The following ANO3 variants were observed in gnomAD, a reference collection of about 807,000 sequenced individuals.
The protein encoded by ANO3 is anoctamin-3.
A neutral mutation model predicts 144.8 loss-of-function variants in ANO3; 99 were observed. The observed-to-expected ratio is 0.68, with a 90% CI of 0.58 to 0.81. The LOEUF (loss-of-function observed/expected upper bound fraction) is 0.81, where lower values mean the gene tolerates loss of function less well. ANO3 is among the 30% of genes least tolerant of loss of function. ANO3 has a pLI of 0.00. For missense variants in ANO3, 905 were observed against 1,202.2 expected (o/e 0.75, Z 3.66); for synonymous variants, 414 against 392.6 (o/e 1.05, Z -0.64).
At chr11:26,377,369 G>A (rs541757522) in intron 1 of ANO3, among the ~76,000 whole-genome samples, 1 of 151,796 alleles carries the variant, frequency 6.6e-6, no homozygotes, top group East Asian at 1.9e-4. Flanking sequence ...ATAAAAAGAA[G>A]GAATTTGAAA....
chr11:26,298,474 G>A (rs1372582477), intron 1 of ANO3, among the ~76,000 whole-genome samples: 3 of 152,178 alleles, frequency 2.0e-5, no homozygotes, highest in Non-Finnish European at 4.4e-5. Flanking sequence ...AAAGACTTGT[G>A]TTTTCAATAT....
At chr11:26,489,879 C>T (rs1032647575) in intron 4 of ANO3, among the ~76,000 whole-genome samples, 4 of 152,170 alleles carry the variant, frequency 2.6e-5, no homozygotes, top group African/African-American at 9.7e-5. Flanking sequence ...TTTGATTTTA[C>T]AGGCTGATAG....
At chr11:26,609,044 T>C (rs1411526315) in intron 17 of ANO3, among the ~76,000 whole-genome samples, 2 of 152,174 alleles carry the variant, frequency 1.3e-5, no homozygotes, top group Non-Finnish European at 2.9e-5. Context: ...GCTCCATGGT[T>C]GGGACCCTAG....
intron 1 of ANO3, among the ~76,000 whole-genome samples, chr11:26,286,648 C>T (rs7949962): frequency 0.086 from 13,092 of 152,136 alleles, 1,182 homozygotes; most frequent in African/African-American, 0.23. Context: ...GTGTCTGCAT[C>T]TCTAACACTC....
chr11:26,370,266 G>A (rs773181238), intron 1 of ANO3, among the ~76,000 whole-genome samples: 2 of 152,084 alleles, frequency 1.3e-5, no homozygotes, highest in Admixed American at 6.6e-5. Context: ...TTTCGCCTTC[G>A]CTCAGCTCTC....
intron 17 of ANO3, among the ~76,000 whole-genome samples, chr11:26,607,339 A>G (rs988582264): frequency 6.6e-6 from 1 of 151,826 alleles, no homozygotes; most frequent in Non-Finnish European, 1.5e-5. Context: ...TGTTCTCTGT[A>G]TTTCCTGAAT....
intron 23 of ANO3, 138 bp downstream of exon 23, chr11:26,643,472 C>A (rs528301310): frequency 1.5e-5 from 16 of 1,100,248 alleles, no homozygotes; most frequent in Non-Finnish European, 2.0e-5. Context: ...AGTGATTAAG[C>A]TGGCCGGGCG....
intron 1 of ANO3, among the ~76,000 whole-genome samples, chr11:26,405,842 C>G (rs999176904): frequency 1.3e-5 from 2 of 151,890 alleles, no homozygotes; most frequent in African/African-American, 4.8e-5. Flanking sequence ...ACTGAGGAAT[C>G]TGCCTTGTAA....
intron 1 of ANO3, among the ~76,000 whole-genome samples, chr11:26,297,612 T>C (rs997710405): frequency 1.3e-4 from 20 of 152,190 alleles, no homozygotes; most frequent in African/African-American, 4.6e-4. Flanking sequence ...CTGGTCATTT[T>C]CCCCAAAATG....
chr11:26,620,144 G>A (rs77091421), intron 17 of ANO3, among the ~76,000 whole-genome samples: 23,137 of 152,034 alleles, frequency 0.15, 2,056 homozygotes, highest in East Asian at 0.33. Context: ...TATGCTGCTC[G>A]AAGGTGCCAA....
At chr11:26,333,171 G>T (rs1324606906) in intron 1 of ANO3, among the ~76,000 whole-genome samples, 1 of 152,068 alleles carries the variant, frequency 6.6e-6, no homozygotes, top group Non-Finnish European at 1.5e-5. Context: ...GTGAATTCTG[G>T]AATGCTGAAT....
chr11:26,349,066 A>C (rs910427085), intron 1 of ANO3, among the ~76,000 whole-genome samples: 5 of 152,196 alleles, frequency 3.3e-5, no homozygotes, highest in African/African-American at 1.2e-4. Flanking sequence ...TTGAAAGAAA[A>C]TGTCATGGGC....
chr11:26,315,829 G>T (rs2133874691), intron 1 of ANO3, among the ~76,000 whole-genome samples: 1 of 152,132 alleles, frequency 6.6e-6, no homozygotes, highest in Middle Eastern at 3.4e-3. Flanking sequence ...AGCCAGATTT[G>T]TCTCATGTTC....
At chr11:26,332,717 T>G (rs1408780599) in intron 1 of ANO3, among the ~76,000 whole-genome samples, 1 of 152,070 alleles carries the variant, frequency 6.6e-6, no homozygotes, top group African/African-American at 2.4e-5. Context: ...TTCACAAAAG[T>G]GTGTCTACTC....
At chr11:26,304,215 G>T (rs1854307576) in intron 1 of ANO3, among the ~76,000 whole-genome samples, 1 of 151,942 alleles carries the variant, frequency 6.6e-6, no homozygotes, top group South Asian at 2.1e-4. Flanking sequence ...AATAGAGGAA[G>T]CTTTTTATTT....
intron 20 of ANO3, among the ~76,000 whole-genome samples, chr11:26,635,917 G>A (rs1281095316): frequency 6.6e-6 from 1 of 152,120 alleles, no homozygotes. Flanking sequence ...TAGCTATCTT[G>A]CCTGGCCCTG....
intron 1 of ANO3, among the ~76,000 whole-genome samples, chr11:26,283,916 C>G (rs1009563177): frequency 6.6e-6 from 1 of 152,130 alleles, no homozygotes; most frequent in African/African-American, 2.4e-5. Flanking sequence ...GTTATTTAAG[C>G]TGATACCTGC....
intron 1 of ANO3, among the ~76,000 whole-genome samples, chr11:26,236,645 T>C (rs112809535): frequency 0.017 from 2,521 of 151,798 alleles, 29 homozygotes; most frequent in African/African-American, 0.036. Flanking sequence ...AGTGAAACCC[T>C]GTCTCTACTA....
intron 1 of ANO3, among the ~76,000 whole-genome samples, chr11:26,217,065 T>C (rs1354517609): frequency 6.6e-6 from 1 of 152,102 alleles, no homozygotes; most frequent in Non-Finnish European, 1.5e-5. Flanking sequence ...TTTTTAATTT[T>C]ACTAAATTCC....
Sources: allele counts gnomAD v4.1 joint callset (sites outside exome capture counted in the v4.1 genomes callset), GRCh38; gene constraint gnomAD v4.1.1; transcripts MANE v1.5; gene names NCBI Gene and HGNC (gene_info 2026-07-23, HGNC 2026-07-21).